The following ZC2HC1B variants were observed in gnomAD, a reference collection of about 807,000 sequenced individuals.
The protein encoded by ZC2HC1B is zinc finger C2HC-type containing 1B.
A neutral mutation model predicts 31.0 loss-of-function variants in ZC2HC1B; 36 were observed. That is an observed-to-expected ratio of 1.16 (90% CI 0.89 to 1.54). The LOEUF is 1.54. Among genes scored for constraint, ZC2HC1B ranks in the 40% most tolerant of loss-of-function variants. ZC2HC1B has a pLI of 0.00. For missense variants in ZC2HC1B, 260 were observed against 268.6 expected, an observed-to-expected ratio of 0.97 and a Z score of 0.22; for synonymous variants, 73 against 88.0, an observed-to-expected ratio of 0.83 and a Z score of 0.95.
Position 143,870,809 on chromosome 6 carries a change from C to T in ZC2HC1B, c.28+6242C>T, listed in dbSNP as rs2328509. Among the ~76,000 whole-genome samples the T allele has an allele frequency of 0.25, 38,050 of 152,052 alleles. 4,947 individuals are homozygous for T. Among genetic ancestry groups the T allele is most frequent in the East Asian group, 0.46 (2,375 of 5,146 alleles). ...TGCCAAAGGCTCCAAACAGCATCGC[C>T]ATCTGCCACTGACACCTCAAGTACC... On this transcript the variant is annotated intron_variant, in intron 1 of 7. Coordinates refer to ENST00000237275, the MANE Select transcript of ZC2HC1B (RefSeq NM_001013623.3). The surrounding 1 kb of genome is among the most constrained non-coding windows in gnomAD (Gnocchi z 4.7).
At position 143,923,090 on chromosome 6, in the gene ZC2HC1B, G is replaced by A. The variant is rs1459313726; in HGVS notation, c.599-14559G>A. On this transcript the variant is annotated intron_variant, in intron 6 of 7. Coordinates refer to ENST00000237275, the MANE Select transcript of ZC2HC1B (RefSeq NM_001013623.3). The surrounding 1 kb of genome is among the most constrained non-coding windows in gnomAD (Gnocchi z 4.8). Reference sequence around the variant, plus strand: ...TTTTGTCTCATTGCGTCTTGGATTGGCATTTCCCTGATAATTAATTATGTT... The same window carrying A: ...TTTTGTCTCATTGCGTCTTGGATTGACATTTCCCTGATAATTAATTATGTT... 1.3e-5 allele frequency among the ~76,000 whole-genome samples: 2 copies of A among 151,990 alleles called. No individual in the cohort carries two copies. Among genetic ancestry groups the A allele is most frequent in the Admixed American group, 6.6e-5 (1 of 15,254 alleles).
chr6:143,937,533 C>CA (rs3215583), intron 6 of ZC2HC1B, 116 bp from the exon 7 acceptor site: 388,378 of 675,542 alleles, frequency 0.57, 118,690 homozygotes, highest in African/African-American at 0.84. Context: ...CACCTCCCAC[C>CA]AAAAAAAAGG....
intron 6 of ZC2HC1B, among the ~76,000 whole-genome samples, chr6:143,928,942 C>T (rs1373735480): frequency 6.6e-6 from 1 of 150,634 alleles, no homozygotes. Flanking sequence ...GATTTTGTAT[C>T]CTGGAACTTT....
chr6:143,932,432 T>C (rs771798930), intron 6 of ZC2HC1B, among the ~76,000 whole-genome samples: 14 of 152,196 alleles, frequency 9.2e-5, no homozygotes, highest in Non-Finnish European at 1.5e-4. Flanking sequence ...TTTCTTCTAC[T>C]TGTTTGATTC....
intron 4 of ZC2HC1B, among the ~76,000 whole-genome samples, chr6:143,890,214 A>G (rs1246978089): frequency 6.6e-6 from 1 of 152,130 alleles, no homozygotes; most frequent in African/African-American, 2.4e-5. Flanking sequence ...GTTTTAGTTC[A>G]ATTATCTTAA....
chr6:143,904,116 T>G (rs908122716), intron 6 of ZC2HC1B, among the ~76,000 whole-genome samples: 5 of 152,234 alleles, frequency 3.3e-5, no homozygotes, highest in Non-Finnish European at 5.9e-5. Context: ...TTTCAAGTGC[T>G]TATTGGTCAT....
chr6:143,868,880 A>T lies in ZC2HC1B; in HGVS notation c.28+4313A>T, dbSNP rs1428466610. ...GCGAAGTCAATAAATCTTATGTCAC[A>T]TGATGAAGGAAAAAGTAAATAAAAT... On this transcript the variant is annotated intron_variant, in intron 1 of 7. Transcript: ENST00000237275. This position sits in a 1 kb window ranked among gnomAD's most constrained non-coding sequence, Gnocchi z 4.2. Among the ~76,000 whole-genome samples the T allele has an allele frequency of 6.6e-6, 1 of 152,246 alleles. No individual in the cohort carries two copies.
intron 6 of ZC2HC1B, among the ~76,000 whole-genome samples, chr6:143,907,453 AC>A (rs1386063824): frequency 6.6e-6 from 1 of 152,036 alleles, no homozygotes; most frequent in Non-Finnish European, 1.5e-5. Flanking sequence ...TTATTTTTTA[AC>A]TTTTTAATAA....
chr6:143,894,020 C>T (rs1298762888), intron 4 of ZC2HC1B, among the ~76,000 whole-genome samples: 1 of 152,112 alleles, frequency 6.6e-6, no homozygotes, highest in Non-Finnish European at 1.5e-5. Context: ...TAAACATACA[C>T]TTAGCCTATA....
chr6:143,867,427 C>T (rs79583678), intron 1 of ZC2HC1B, among the ~76,000 whole-genome samples: 2,176 of 152,280 alleles, frequency 0.014, 47 homozygotes, highest in African/African-American at 0.05. Context: ...TACAAGAACC[C>T]ATGTTTAGAT....
chr6:143,937,843 T>G, intron 7 of ZC2HC1B, 110 bp downstream of exon 7: 1 of 738,856 alleles, frequency 1.4e-6, no homozygotes, highest in Non-Finnish European at 2.1e-6. Flanking sequence ...AAACTCCAAG[T>G]TGGGTTAACA....
rs1195509248 is a variant in ZC2HC1B at position 143,886,758 on chromosome 6, T to G, written c.286T>G (p.Cys96Gly). Residue 96 changes from cysteine to glycine, a missense_variant, in exon 4 of 8, where the codon TGT becomes GGT. Cys to Gly is a radical substitution (Grantham distance 159). Transcript: ENST00000237275. This position sits in a 1 kb window ranked among gnomAD's most constrained non-coding sequence, Gnocchi z 4.2. ...TAATGCAATCCGATCAGCAAAGCAG[T>G]GTATGCTAGCCATTAAAGAAGGCCG... ...FINAIRSAKQ[C>G]MLAIKEGRPL... The G allele has an allele frequency of 1.3e-6, 2 of 1,549,704 alleles. No homozygotes were observed.
chr6:143,894,309 C>T (rs1428590217), intron 4 of ZC2HC1B, among the ~76,000 whole-genome samples: 1 of 152,024 alleles, frequency 6.6e-6, no homozygotes, highest in Non-Finnish European at 1.5e-5. Flanking sequence ...TAATTGGCTG[C>T]CTGAGACTGG....
At chr6:143,875,528 T>C (rs568358813) in intron 1 of ZC2HC1B, among the ~76,000 whole-genome samples, 9 of 150,966 alleles carry the variant, frequency 6.0e-5, no homozygotes, top group African/African-American at 2.0e-4. Flanking sequence ...CCCAAATCTA[T>C]AAATTCAGCC....
rs1777328128 is a variant in ZC2HC1B, at chr6:143,870,903, A to C, written c.28+6336A>C. 6.6e-6 allele frequency among the ~76,000 whole-genome samples: 1 copy of C among 152,162 alleles called. No individual in the cohort carries two copies. Among genetic ancestry groups the C allele is most frequent in the Admixed American group, 6.5e-5 (1 of 15,280 alleles). ...GCACAGCAGCCTGGACCTGTTGTAG[A>C]GCCTTCTCCTGTTCTGGACCCCACT... is the stretch of plus-strand genomic sequence containing the variant. On this transcript the variant is annotated intron_variant, in intron 1 of 7. Coordinates refer to ENST00000237275, the MANE Select transcript of ZC2HC1B (RefSeq NM_001013623.3). This position sits in a 1 kb window ranked among gnomAD's most constrained non-coding sequence, Gnocchi z 4.7.
At chr6:143,926,391 G>T (rs1778043431) in intron 6 of ZC2HC1B, among the ~76,000 whole-genome samples, 1 of 152,158 alleles carries the variant, frequency 6.6e-6, no homozygotes, top group Non-Finnish European at 1.5e-5. Flanking sequence ...TGTTAAGCAT[G>T]TTATTTAATT....
Position 143,865,739 on chromosome 6 carries a change from A to G in ZC2HC1B, c.28+1172A>G, listed in dbSNP as rs1164607172. On this transcript the variant is annotated intron_variant, in intron 1 of 7. Transcript: ENST00000237275. This position sits in a 1 kb window ranked among gnomAD's most constrained non-coding sequence, Gnocchi z 4.4. The stretch of plus-strand genomic sequence containing the variant: ...TAAACATAGAACCATAGCAGGGCCT[A>G]GAATCACTGGGGTTAGGGAGGAGAG... Among the ~76,000 whole-genome samples, 3 of 152,190 alleles carry G rather than the reference A, an allele frequency of 2.0e-5. No individual in the cohort carries two copies. Among genetic ancestry groups the G allele is most frequent in the Non-Finnish European group, 4.4e-5 (3 of 68,032 alleles).
Position 143,908,098 on chromosome 6 carries a change from T to A in ZC2HC1B, c.598+4946T>A, listed in dbSNP as rs1424209055. On this transcript the variant is annotated intron_variant, in intron 6 of 7. Coordinates refer to ENST00000237275, the MANE Select transcript of ZC2HC1B (RefSeq NM_001013623.3). This position sits in a 1 kb window ranked among gnomAD's most constrained non-coding sequence, Gnocchi z 4.4. The stretch of plus-strand genomic sequence containing the variant: ...AGATCAGATGGTTTTAGGTGTGCAA[T>A]CTTATTTCTGGGTTCTCTATTCTGT... Among the ~76,000 whole-genome samples the A allele has an allele frequency of 6.6e-6, 1 of 152,134 alleles. No homozygotes were observed. Among genetic ancestry groups the A allele is most frequent in the Non-Finnish European group, 1.5e-5 (1 of 68,006 alleles).
At chr6:143,925,858 A>G (rs1357920098) in intron 6 of ZC2HC1B, among the ~76,000 whole-genome samples, 2 of 152,042 alleles carry the variant, frequency 1.3e-5, no homozygotes, top group Non-Finnish European at 2.9e-5. Context: ...AGTAGATTGT[A>G]TGTGTCCAGG....
Sources: gnomAD v4.1 joint callset for allele counts (sites outside exome capture counted in the v4.1 genomes callset) on GRCh38, gnomAD v4.1.1 for gene constraint, Gnocchi (gnomAD v3.1) non-coding constraint, MANE v1.5 for transcripts, NCBI Gene and HGNC (gene_info 2026-07-23, HGNC 2026-07-21) for gene names.